The following TULP1 variants were observed in gnomAD, a reference collection of about 807,000 sequenced individuals.
TULP1 encodes tubby-related protein 1.
A neutral mutation model predicts 67.1 loss-of-function variants in TULP1; 50 were observed. The ratio of observed to expected loss-of-function variants is 0.75; its 90% CI spans 0.59 to 0.94. The LOEUF is 0.94. TULP1 is among the 40% of genes least tolerant of loss of function. TULP1 has a pLI of 0.00. For synonymous variants in TULP1, 297 were observed against 294.0 expected (o/e 1.01, Z -0.11); for missense variants, 746 against 734.1 (o/e 1.02, Z -0.19).
At chr6:35,512,309 G>C in intron 2 of TULP1, 39 bp from the exon 3 acceptor site, 1 of 1,085,382 alleles carries the variant, frequency 9.2e-7, no homozygotes. Context: ...AGGAAGGAAA[G>C]GGGGGCGCTG....
rs920148331 is a variant in TULP1, at chr6:35,512,754, C to T, written c.47+58G>A. ...TTCCCTCCCCATCCCACCCACTCCC[C>T]ATCCCTCCATCTAGGCCCCCCAGGG... On this transcript the variant is annotated intron_variant, in intron 1 of 14. Transcript: ENST00000229771. 4 of 1,425,834 alleles carry T rather than the reference C, an allele frequency of 2.8e-6. No homozygotes were observed. In the African/African-American group the frequency reaches 7.6e-5, roughly 27 times the overall value. 88.3% of individuals were successfully genotyped at this position (1,425,834 alleles called of 1,614,324 possible).
rs141232253 is a variant in TULP1 at position 35,507,497 on chromosome 6, T to C, written c.823-1218A>G. 1.8e-3 allele frequency among the ~76,000 whole-genome samples: 277 copies of C among 152,322 alleles called. 10 individuals carry two copies. The East Asian group carries it at 0.05, about 27-fold the overall frequency. ...GCTCAGTTTGGGGTGATTTGTTACATAGCAATGCATAGTTAACACATGAAT... is the reference window on the plus strand; with the variant it reads ...GCTCAGTTTGGGGTGATTTGTTACACAGCAATGCATAGTTAACACATGAAT... On this transcript the variant is annotated intron_variant, in intron 8 of 14. Coordinates refer to ENST00000229771, the MANE Select transcript of TULP1 (RefSeq NM_003322.6).
Position 35,503,727 on chromosome 6 carries a change from G to C in TULP1, c.1224+10C>G. On this transcript the variant is annotated intron_variant, in intron 12 of 14. Coordinates refer to ENST00000229771, the MANE Select transcript of TULP1 (RefSeq NM_003322.6). This position sits in a 1 kb window ranked among gnomAD's most constrained non-coding sequence, Gnocchi z 4.0. ...AGCAGCCTGGCATGGGGGACAGGTG[G>C]AGTCCTCACATAGATCACAGCTGCC... The C allele has an allele frequency of 4.3e-6, 7 of 1,610,894 alleles. No homozygotes were observed. The highest frequency in any genetic ancestry group is 5.9e-6 in the Non-Finnish European group (7 of 1,178,530).
At chr6:35,507,431 CTCTCAGAAA>C (rs1239336531) in intron 8 of TULP1, among the ~76,000 whole-genome samples, 6 of 151,942 alleles carry the variant, frequency 3.9e-5, no homozygotes, top group Non-Finnish European at 5.9e-5. Context: ...AGATTTCTGG[CTCTCAGAAA>C]TTGAATAAGA....
intron 8 of TULP1, 93 bp from the exon 9 acceptor site, chr6:35,506,372 G>A (rs1761089429): frequency 4.6e-6 from 7 of 1,508,456 alleles, no homozygotes; most frequent in Middle Eastern, 2.3e-4. Flanking sequence ...CTGGCAGCCC[G>A]GCACGGCCAA....
At position 35,505,951 on chromosome 6, in the gene TULP1, C is replaced by T. The variant is rs927022670; in HGVS notation, c.999+52G>A. The T allele has an allele frequency of 3.1e-6, 5 of 1,614,004 alleles. 1 individual carries two copies. The highest frequency in any genetic ancestry group is 3.3e-5 in the Admixed American group (2 of 60,010). ...AAATCAGGCCCGTTTGTCCCGTGGC[C>T]CCCATGCCGGATCCCTCCACACTCC... On this transcript the variant is annotated intron_variant, in intron 10 of 14. Coordinates refer to ENST00000229771, the MANE Select transcript of TULP1 (RefSeq NM_003322.6).
intron 9 of TULP1, 31 bp from the exon 10 acceptor site, chr6:35,506,204 A>G (rs1451790268): frequency 1.2e-6 from 2 of 1,612,894 alleles, no homozygotes; most frequent in South Asian, 2.2e-5. Context: ...CATCAGCCCC[A>G]GAGCACCAGC....
intron 7 of TULP1, 144 bp downstream of exon 7, chr6:35,509,490 G>A (rs1761152820): frequency 9.5e-7 from 1 of 1,050,174 alleles, no homozygotes. Flanking sequence ...TCAAAGCGGG[G>A]GTCAAGATGC....
rs1761001352 is a variant in TULP1 at position 35,503,040 on chromosome 6, C to A, written c.1323+519G>T. Among the ~76,000 whole-genome samples the A allele has an allele frequency of 6.6e-6, 1 of 152,118 alleles. No homozygotes were observed. Among genetic ancestry groups the A allele is most frequent in the African/African-American group, 2.4e-5 (1 of 41,440 alleles). On this transcript the variant is annotated intron_variant, in intron 13 of 14. Transcript: ENST00000229771. This position sits in a 1 kb window ranked among gnomAD's most constrained non-coding sequence, Gnocchi z 4.0. The stretch of plus-strand genomic sequence containing the variant: ...GCAAGCTCCGCCTCCCAGGTTCACG[C>A]CATTCTCCTGCCTCAGCCTCCCAAG...
In TULP1 at chr6:35,500,045, G is replaced by A. The variant is rs985811337; in HGVS notation, c.1431C>T (p.Leu477=). The A allele has an allele frequency of 8.7e-6, 14 of 1,614,190 alleles. No homozygotes were observed. Among genetic ancestry groups the A allele is most frequent in the African/African-American group, 4.0e-5 (3 of 75,042 alleles). ...VWNDDSGSYT[L]NFQGRVTQAS... is the part of the protein sequence containing the mutation. ...CCTGGGTGACCCGGCCTTGGAAGTTGAGGGTGTAGGAGCCACTGTCATCGT... is the reference window on the plus strand; with the variant it reads ...CCTGGGTGACCCGGCCTTGGAAGTTAAGGGTGTAGGAGCCACTGTCATCGT... Residue 477 remains leucine (L), a synonymous_variant, in exon 14 of 15, where the codon CTC becomes CTT. Coordinates refer to ENST00000229771, the MANE Select transcript of TULP1 (RefSeq NM_003322.6).
At chr6:35,506,303 G>C in intron 8 of TULP1, 24 bp from the exon 9 acceptor site, 1 of 1,557,090 alleles carries the variant, frequency 6.4e-7, no homozygotes, top group Non-Finnish European at 8.7e-7. Flanking sequence ...GAACAGAGAG[G>C]CTGGCTAGAG....
At chr6:35,499,232 A>G (rs924282141) in intron 14 of TULP1, among the ~76,000 whole-genome samples, 6 of 152,192 alleles carry the variant, frequency 3.9e-5, no homozygotes, top group Admixed American at 1.3e-4. Context: ...TGAGTCTTCC[A>G]GGGTAGTCCT....
intron 5 of TULP1, 40 bp from the exon 6 acceptor site, chr6:35,509,968 A>G: frequency 6.3e-7 from 1 of 1,599,250 alleles, no homozygotes; most frequent in Non-Finnish European, 8.6e-7. Context: ...GAAGGTGTCT[A>G]CTGGGGCTGA....
rs770773936 is a variant in TULP1, at chr6:35,511,692, G to C, written c.305C>G (p.Pro102Arg). 1.3e-6 allele frequency: 2 copies of C among 1,594,194 alleles called. No homozygotes were observed. The highest frequency in any genetic ancestry group is 2.3e-5 in the East Asian group (1 of 44,006). Reference sequence around the variant, plus strand: ...ACGGGCTACCAGAAAGGTTTCCCGGGGGTCGCGCTTCTTGGCCTCGGGGTC... The same window carrying C: ...ACGGGCTACCAGAAAGGTTTCCCGGCGGTCGCGCTTCTTGGCCTCGGGGTC... Reference protein sequence around the residue: ...LRDPEAKKRDPRETFLVARAP... With the variant: ...LRDPEAKKRDRRETFLVARAP... Residue 102 changes from proline to arginine, a missense_variant, in exon 4 of 15, where the codon CCC (proline) becomes CGC (arginine). Physicochemically the swap from Pro to Arg is moderately radical, Grantham distance 103. Transcript: ENST00000229771.
chr6:35,512,791 C>A, intron 1 of TULP1, 21 bp downstream of exon 1: 1 of 1,606,346 alleles, frequency 6.2e-7, no homozygotes, highest in Non-Finnish European at 8.5e-7. Context: ...TCAGGTGCCA[C>A]GAACTGGGGG....
At chr6:35,504,044 G>A (rs1030034332) in intron 11 of TULP1, 196 bp from the exon 12 acceptor site, 5 of 558,114 alleles carry the variant, frequency 9.0e-6, no homozygotes, top group Non-Finnish European at 1.6e-5. Flanking sequence ...CCCAGGGCAT[G>A]GTGGCTCAAG....
Position 35,511,641 on chromosome 6 carries a change from C to G in TULP1, c.349+7G>C, listed in dbSNP as rs1761204280. On this transcript the variant is annotated splice_region_variant and intron_variant, in intron 4 of 14. Transcript: ENST00000229771. ...CCCTCACCCGCGTCCCTGGGGCCCT[C>G]TCTCACCGTCCTCCGCGTCTGGGGC... 6.3e-7 allele frequency: 1 copy of G among 1,592,120 alleles called. No homozygotes were observed. The highest frequency in any genetic ancestry group is 8.6e-7 in the Non-Finnish European group (1 of 1,168,848).
In TULP1 at chr6:35,498,396, G is replaced by T. The variant is rs773968778; in HGVS notation, c.1560C>A (p.Tyr520Ter). The change falls in exon 15 of 15, where the codon TAC (tyrosine) becomes TAA (stop). Residue 520 changes from tyrosine (Y) to a stop codon, truncating the protein, a stop_gained. Transcript: ENST00000229771. LOFTEE classifies it high-confidence loss of function. The surrounding 1 kb of genome is among the most constrained non-coding windows in gnomAD (Gnocchi z 6.7). ...AEDAFTLDYR[Y>*]PLCALQAFAI... ...CGAAGGCCTGCAGGGCGCACAGCGG[G>T]TACCGGTAGTCTAGGGTGAAGGCGT... 4 of 1,613,828 alleles carry T rather than the reference G, an allele frequency of 2.5e-6. No homozygotes were observed. The highest frequency in any genetic ancestry group is 3.4e-6 in the Non-Finnish European group (4 of 1,180,024).
In TULP1 at chr6:35,511,672, C is replaced by T; in HGVS notation, c.325G>A (p.Ala109Thr). ...CCGTCCTCCGCGTCTGGGGCACGGG[C>T]TACCAGAAAGGTTTCCCGGGGGTCG... ...KRDPRETFLV[A>T]RAPDAEDEEE... The change falls in exon 4 of 15, where the codon GCC becomes ACC. Residue 109 changes from alanine (A) to threonine (T), a missense_variant. Coordinates refer to ENST00000229771, the MANE Select transcript of TULP1 (RefSeq NM_003322.6). 6.3e-7 allele frequency: 1 copy of T among 1,596,362 alleles called. No individual in the cohort carries two copies. Among genetic ancestry groups the T allele is most frequent in the Non-Finnish European group, 8.5e-7 (1 of 1,171,192 alleles).
Sources: gnomAD v4.1 joint callset for allele counts (sites outside exome capture counted in the v4.1 genomes callset) on GRCh38, gnomAD v4.1.1 for gene constraint, Gnocchi (gnomAD v3.1) non-coding constraint, MANE v1.5 for transcripts, NCBI Gene and HGNC (gene_info 2026-07-23, HGNC 2026-07-21) for gene names.